Variants in ZNF786 observed in about 807,000 individuals in gnomAD.
ZNF786 encodes zinc finger protein 786.
A neutral mutation model predicts 63.1 loss-of-function variants in ZNF786; 56 were observed. The observed-to-expected ratio is 0.89, with a 90% CI of 0.72 to 1.11. The LOEUF (loss-of-function observed/expected upper bound fraction) is 1.11, where lower values mean the gene tolerates loss of function less well. Among genes scored for constraint, ZNF786 ranks in the 50% least tolerant of loss-of-function variants. ZNF786 has a pLI of 0.00. For missense variants in ZNF786, 1,213 were observed against 1,041.8 expected (o/e 1.16, Z -2.26); for synonymous variants, 485 against 406.9 (o/e 1.19, Z -2.31).
At chr7:149,078,958 G>A (rs1289683587) in intron 2 of ZNF786, among the ~76,000 whole-genome samples, 1 of 152,210 alleles carries the variant, frequency 6.6e-6, no homozygotes, top group Non-Finnish European at 1.5e-5. Flanking sequence ...GATTGTATAA[G>A]TGAACTAATG....
intron 1 of ZNF786, among the ~76,000 whole-genome samples, chr7:149,089,654 TTAA>T (rs924599595): frequency 1.3e-5 from 2 of 151,226 alleles, no homozygotes; most frequent in African/African-American, 4.9e-5. Flanking sequence ...CTTTTACTCA[TTAA>T]TAATTTATTT....
Position 149,070,764 on chromosome 7 carries a change from G to C in ZNF786, c.2008C>G (p.His670Asp). Residue 670 changes from histidine to aspartate, a missense_variant, in exon 4 of 4, where the codon CAC (histidine) becomes GAC (aspartate). Coordinates refer to ENST00000491431, the MANE Select transcript of ZNF786 (RefSeq NM_152411.4). ...CACTGAAAAGGCTTCTCTCCCGTGT[G>C]CGTTCTGATGTGCTCGATGAGCTTT... Reference protein sequence around the residue: ...HSKLIEHIRTHTGEKPFQCPK... With the variant: ...HSKLIEHIRTDTGEKPFQCPK... The C allele has an allele frequency of 1.9e-6, 3 of 1,613,794 alleles. No individual in the cohort carries two copies. The highest frequency in any genetic ancestry group is 2.5e-6 in the Non-Finnish European group (3 of 1,179,950).
Position 149,080,848 on chromosome 7 carries a change from G to A in ZNF786, c.19-131C>T, listed in dbSNP as rs1359964799. The A allele has an allele frequency of 8.6e-6, 9 of 1,040,486 alleles. No homozygotes were observed. In the South Asian group the frequency reaches 1.5e-4, roughly 17 times the overall value. 64.5% of individuals were successfully genotyped at this position (1,040,486 alleles called of 1,614,324 possible). A position where few individuals can be genotyped will look rare whatever the true frequency, so the allele number is the denominator to read the frequency against. On this transcript the variant is annotated intron_variant, in intron 1 of 3. Transcript: ENST00000491431. ...GGTTGTTCAGCAGCTTCTTCCTGGA[G>A]AACTACTCCTTCCTCTACTCCAATT...
chr7:149,089,912 A>C (rs1585473474), intron 1 of ZNF786, among the ~76,000 whole-genome samples: 1 of 142,446 alleles, frequency 7.0e-6, no homozygotes, highest in South Asian at 2.3e-4. Context: ...TTGGGGTTTC[A>C]CCATGTTGGC....
intron 2 of ZNF786, among the ~76,000 whole-genome samples, chr7:149,079,976 A>G (rs1420682916): frequency 2.0e-5 from 3 of 150,980 alleles, no homozygotes; most frequent in Non-Finnish European, 4.4e-5. Flanking sequence ...GATTAAGACC[A>G]TCCTGTCCAA....
At chr7:149,082,986 C>T (rs1825676941) in intron 1 of ZNF786, among the ~76,000 whole-genome samples, 1 of 151,014 alleles carries the variant, frequency 6.6e-6, no homozygotes, top group South Asian at 2.1e-4. Context: ...ACCTCCACCA[C>T]CCTGGTTCAA....
In ZNF786 at chr7:149,074,551, G is replaced by C; in HGVS notation, c.146-13C>G. On this transcript the variant is annotated splice_polypyrimidine_tract_variant and intron_variant, in intron 2 of 3. Coordinates refer to ENST00000491431, the MANE Select transcript of ZNF786 (RefSeq NM_152411.4). ...GGAAGTCCATCATCTGCACAGAGAA[G>C]TCAGACAGGGTAGTTTGGCTTCCTG... 1 of 1,607,974 alleles carries C rather than the reference G, an allele frequency of 6.2e-7. No homozygotes were observed. The highest frequency in any genetic ancestry group is 8.5e-7 in the Non-Finnish European group (1 of 1,177,646).
At chr7:149,080,190 CA>C (rs1825626884) in intron 2 of ZNF786, among the ~76,000 whole-genome samples, 1 of 151,958 alleles carries the variant, frequency 6.6e-6, no homozygotes, top group Non-Finnish European at 1.5e-5. Context: ...TACACCCTTC[CA>C]AAATAGCTTT....
At position 149,070,228 on chromosome 7, in the gene ZNF786, AG is replaced by A. The variant is rs1355378085; in HGVS notation, c.*194del. 2.5e-5 allele frequency: 17 copies of A among 667,778 alleles called. No homozygotes were observed. Among genetic ancestry groups the A allele is most frequent in the Middle Eastern group, 4.7e-4 (1 of 2,116 alleles). 41.4% of individuals were successfully genotyped at this position (667,778 alleles called of 1,614,324 possible). On this transcript the variant is annotated 3_prime_UTR_variant, in exon 4 of 4. Coordinates refer to ENST00000491431, the MANE Select transcript of ZNF786 (RefSeq NM_152411.4). ...TCCATCTTGGAAAAAAAAAAAAAAAAGAAAGAAATATAATTGGTGATGCTTC... is the reference window on the plus strand; with the variant it reads ...TCCATCTTGGAAAAAAAAAAAAAAAAAAAGAAATATAATTGGTGATGCTTC...
chr7:149,084,468 T>C (rs1005364745), intron 1 of ZNF786, among the ~76,000 whole-genome samples: 2 of 149,678 alleles, frequency 1.3e-5, no homozygotes, highest in Non-Finnish European at 3.0e-5. Flanking sequence ...ATATGTGTTC[T>C]CTTTTCTCTG....
At chr7:149,077,454 C>T (rs1400845992) in intron 2 of ZNF786, among the ~76,000 whole-genome samples, 1 of 151,602 alleles carries the variant, frequency 6.6e-6, no homozygotes, top group African/African-American at 2.4e-5. Context: ...GGTGAAACCC[C>T]GTCTCTACTA....
At chr7:149,073,010 A>G (rs2129514088) in intron 3 of ZNF786, among the ~76,000 whole-genome samples, 1 of 152,282 alleles carries the variant, frequency 6.6e-6, no homozygotes, top group East Asian at 1.9e-4. Context: ...GCCCTGACCA[A>G]TACCACAGTT....
chr7:149,081,049 T>C (rs992356250), intron 1 of ZNF786: 5 of 466,814 alleles, frequency 1.1e-5, no homozygotes, highest in Non-Finnish European at 2.1e-5. Flanking sequence ...ATAATATATA[T>C]TGAGGCAAAT....
rs573621443 is a variant in ZNF786 at position 149,086,423 on chromosome 7, T to G, written c.18+4200A>C. On this transcript the variant is annotated intron_variant, in intron 1 of 3. Coordinates refer to ENST00000491431, the MANE Select transcript of ZNF786 (RefSeq NM_152411.4). ...TGAGCAGATCACCTGAGGTCAGAAG[T>G]TCAATACCAGCTTTGCCAATATGGC... Among the ~76,000 whole-genome samples, 11 of 152,208 alleles carry G rather than the reference T, an allele frequency of 7.2e-5. No homozygotes were observed. In the East Asian group the frequency reaches 1.2e-3, roughly 16 times the overall value.
intron 3 of ZNF786, among the ~76,000 whole-genome samples, chr7:149,072,955 G>A (rs1825458540): frequency 6.6e-6 from 1 of 152,218 alleles, no homozygotes; most frequent in South Asian, 2.1e-4. Flanking sequence ...GAAAGCCAGT[G>A]TATCGCATTC....
At chr7:149,079,368 C>T (rs905015342) in intron 2 of ZNF786, among the ~76,000 whole-genome samples, 6 of 151,198 alleles carry the variant, frequency 4.0e-5, no homozygotes, top group African/African-American at 1.5e-4. Context: ...GAGATCCCGC[C>T]GCTGCACTCC....
chr7:149,081,222 G>A (rs1014159379), intron 1 of ZNF786: 1 of 452,618 alleles, frequency 2.2e-6, no homozygotes, highest in African/African-American at 2.0e-5. Context: ...CAGATCACGA[G>A]GTCAGGAGTT....
intron 3 of ZNF786, among the ~76,000 whole-genome samples, chr7:149,073,724 CGT>C (rs375323153): frequency 0.02 from 1,330 of 67,876 alleles, 16 homozygotes; most frequent in Non-Finnish European, 0.027. Flanking sequence ...TATATGTGTG[CGT>C]GTGTGTGTGT....
rs745968865 is a variant in ZNF786, at chr7:149,071,011, G to A, written c.1761C>T (p.His587=). Residue 587 remains histidine, a synonymous_variant, in exon 4 of 4, where the codon CAC becomes CAT. Transcript: ENST00000491431. The stretch of plus-strand genomic sequence containing the variant: ...GGCACTGGAAGGGTCTCTCCCCGCT[G>A]TGCACGCGCAAGTGCTCCGTGAGCT... ...QSKLTEHLRV[H]SGERPFQCPE... 1.9e-6 allele frequency: 3 copies of A among 1,612,880 alleles called. No homozygotes were observed. Among genetic ancestry groups the A allele is most frequent in the Admixed American group, 1.7e-5 (1 of 59,994 alleles).
Sources: gnomAD v4.1 joint callset for allele counts (sites outside exome capture counted in the v4.1 genomes callset) on GRCh38, gnomAD v4.1.1 for gene constraint, MANE v1.5 for transcripts, NCBI Gene and HGNC (gene_info 2026-07-23, HGNC 2026-07-21) for gene names.